The following AP5Z1 variants were observed in gnomAD, a reference collection of about 807,000 sequenced individuals.
AP5Z1 encodes the protein AP-5 complex subunit zeta-1.
A neutral mutation model predicts 83.0 loss-of-function variants in AP5Z1; 106 were observed. The ratio of observed to expected loss-of-function variants is 1.28; its 90% confidence interval spans 1.09 to 1.50. The LOEUF is 1.50. Ranked by LOEUF, AP5Z1 falls within the 40% of genes most tolerant of loss-of-function variation. AP5Z1 has a pLI of 0.00. For synonymous variants in AP5Z1, 751 were observed against 514.1 expected, an observed-to-expected ratio of 1.46 and a Z score of -6.23; for missense variants, 1,565 against 1,094.2, an observed-to-expected ratio of 1.43 and a Z score of -6.07.
At chr7:4,787,364 T>C (rs909456333) in intron 10 of AP5Z1, among the ~76,000 whole-genome samples, 1 of 152,064 alleles carries the variant, frequency 6.6e-6, no homozygotes, top group Admixed American at 6.6e-5. Context: ...TGTGTGCCTG[T>C]AGTCTCAGCT....
chr7:4,790,732 G>A lies in AP5Z1; in HGVS notation c.1998G>A (p.Gln666=), dbSNP rs371885010. The A allele has an allele frequency of 4.3e-6, 7 of 1,610,732 alleles. No homozygotes were observed. The highest frequency in any genetic ancestry group is 1.7e-5 in the Admixed American group (1 of 59,778). ...VTYDRRCTVE[Q]INKFFEALEA... ...ACGATCGGAGGTGCACCGTGGAGCA[G>A]ATCAACAAGTTCTTCGAAGCCCTGG... Residue 666 remains glutamine, a synonymous_variant, in exon 16 of 17, where the codon CAG becomes CAA. Transcript: ENST00000649063.
chr7:4,778,548 G>A (rs373863149), intron 1 of AP5Z1, among the ~76,000 whole-genome samples: 12 of 152,074 alleles, frequency 7.9e-5, no homozygotes, highest in East Asian at 7.8e-4. Flanking sequence ...TGGAGGCAGC[G>A]TTGGGGTCTG....
In AP5Z1 at chr7:4,785,760, CTTTT is replaced by C. The variant is rs74274130; in HGVS notation, c.1132+93_1132+96del. On this transcript the variant is annotated intron_variant, in intron 9 of 16. Coordinates refer to ENST00000649063, the MANE Select transcript of AP5Z1 (RefSeq NM_014855.3). ...GTTTTAGGATGGAATTTCTTCTTCCCTTTTTTTTTTTTTTTTTTTTGATTGAATA... is the reference window on the plus strand; with the variant it reads ...GTTTTAGGATGGAATTTCTTCTTCCCTTTTTTTTTTTTTTTTGATTGAATA... 0.022 allele frequency: 25,203 copies of C among 1,126,194 alleles called. 49 individuals carry two copies. Among genetic ancestry groups the C allele is most frequent in the Middle Eastern group, 0.049 (153 of 3,122 alleles). The allele number at this position is 1,126,194 out of a possible 1,614,324, so 69.8% of individuals were successfully genotyped here.
At position 4,791,635 on chromosome 7, in the gene AP5Z1, T is replaced by TG. The variant is rs1781778095; in HGVS notation, c.*252dup. ...AGGGGTGCCATGGAGCGGCTCTGAT[T>TG]GGAGGCTTGAGGCCCTGTGGCTGGG... On this transcript the variant is annotated 3_prime_UTR_variant, in exon 17 of 17. Transcript: ENST00000649063. 3.5e-6 allele frequency: 2 copies of TG among 566,630 alleles called. No individual in the cohort carries two copies. The highest frequency in any genetic ancestry group is 3.0e-6 in the Non-Finnish European group (1 of 332,146). 35.1% of individuals were successfully genotyped at this position (566,630 alleles called of 1,614,324 possible).
intron 1 of AP5Z1, among the ~76,000 whole-genome samples, chr7:4,778,351 G>A (rs1038932734): frequency 8.5e-5 from 13 of 152,164 alleles, no homozygotes; most frequent in Admixed American, 2.0e-4. Flanking sequence ...TGGAGAGAGC[G>A]GGAAGCGAGT....
chr7:4,791,573 C>T lies in AP5Z1; in HGVS notation c.*188C>T, dbSNP rs550104638. 1.1e-4 allele frequency: 93 copies of T among 874,906 alleles called. No individual in the cohort carries two copies. Among genetic ancestry groups the T allele is most frequent in the African/African-American group, 1.0e-4 (6 of 58,946 alleles). 54.2% of individuals were successfully genotyped at this position (874,906 alleles called of 1,614,324 possible). ...CTGCTCACCCTCTGGGCTTTGTCTC[C>T]GAGCCTTTTGCTCCCAGGCAACACT... On this transcript the variant is annotated 3_prime_UTR_variant, in exon 17 of 17. Transcript: ENST00000649063.
At chr7:4,780,502 C>T (rs530412791) in intron 1 of AP5Z1, among the ~76,000 whole-genome samples, 7 of 152,142 alleles carry the variant, frequency 4.6e-5, no homozygotes, top group Admixed American at 1.3e-4. Context: ...CGGTGGCTCA[C>T]GCCTGTAATC....
rs1318255617 is a variant in AP5Z1, at chr7:4,775,651, C to G, written c.-65C>G. 3 of 1,594,814 alleles carry G rather than the reference C, an allele frequency of 1.9e-6. No individual in the cohort carries two copies. In the South Asian group the frequency reaches 3.3e-5, roughly 18 times the overall value. On this transcript the variant is annotated 5_prime_UTR_variant, in exon 1 of 17. Coordinates refer to ENST00000649063, the MANE Select transcript of AP5Z1 (RefSeq NM_014855.3). ...GCGGTCCCGGAAGTTGACCGGGGTG[C>G]GGAGCTCCTGGGCTGCAGCTCCTGG...
At chr7:4,782,846 G>A (rs1668272700) in intron 3 of AP5Z1, among the ~76,000 whole-genome samples, 1 of 152,154 alleles carries the variant, frequency 6.6e-6, no homozygotes, top group East Asian at 1.9e-4. Flanking sequence ...TGCACCCCCC[G>A]CCCGGCACGT....
chr7:4,783,585 A>G, intron 4 of AP5Z1, 104 bp from the exon 5 acceptor site: 1 of 1,526,270 alleles, frequency 6.6e-7, no homozygotes, highest in Non-Finnish European at 8.9e-7. Flanking sequence ...AGGGTTTGGG[A>G]CGCTGCAGGA....
At chr7:4,779,351 T>C (rs1008531716) in intron 1 of AP5Z1, among the ~76,000 whole-genome samples, 28 of 145,862 alleles carry the variant, frequency 1.9e-4, no homozygotes, top group Middle Eastern at 3.6e-3. Flanking sequence ...ACATATAACA[T>C]GTTATATATC....
chr7:4,791,093 C>CG, intron 16 of AP5Z1, 22 bp from the exon 17 acceptor site: 1 of 1,552,546 alleles, frequency 6.4e-7, no homozygotes. Flanking sequence ...CTGCAGCTGA[C>CG]GGAGGGACCT....
intron 3 of AP5Z1, among the ~76,000 whole-genome samples, chr7:4,782,031 C>A (rs1290902427): frequency 1.3e-5 from 2 of 152,092 alleles, no homozygotes; most frequent in Non-Finnish European, 2.9e-5. Context: ...GGAGGCTGGG[C>A]CTCCAGACCT....
In AP5Z1 at chr7:4,791,380, G is replaced by A; in HGVS notation, c.2419G>A (p.Gly807Arg). The change falls in exon 17 of 17, where the codon GGG (glycine) becomes AGG (arginine). Residue 807 changes from glycine (G) to arginine (R), a missense_variant. By Grantham distance (125) the Gly-to-Arg change is moderately radical. Transcript: ENST00000649063. ...LVEREAGLMP[G>R] Reference sequence around the variant, plus strand: ...GGAGAGGGAGGCCGGCCTCATGCCAGGGTGAAGGGACAGTGGCCAGGGACT... The same window carrying A: ...GGAGAGGGAGGCCGGCCTCATGCCAAGGTGAAGGGACAGTGGCCAGGGACT... 1 of 1,604,896 alleles carries A rather than the reference G, an allele frequency of 6.2e-7. No homozygotes were observed. Among genetic ancestry groups the A allele is most frequent in the Non-Finnish European group, 8.5e-7 (1 of 1,176,134 alleles).
intron 16 of AP5Z1, 111 bp downstream of exon 16, chr7:4,790,998 G>T: frequency 6.8e-7 from 1 of 1,467,356 alleles, no homozygotes; most frequent in Non-Finnish European, 9.0e-7. Context: ...CAGGTCCTGG[G>T]TGGGCCCTGC....
intron 1 of AP5Z1, among the ~76,000 whole-genome samples, chr7:4,779,979 C>T (rs963261739): frequency 6.6e-6 from 1 of 152,038 alleles, no homozygotes; most frequent in Non-Finnish European, 1.5e-5. Flanking sequence ...TGGGGTCTCA[C>T]TGTTTTGCCC....
At chr7:4,784,511 C>T in intron 6 of AP5Z1, 140 bp downstream of exon 6, 1 of 1,071,276 alleles carries the variant, frequency 9.3e-7, no homozygotes, top group Non-Finnish European at 1.3e-6. Context: ...GCAACGCAGC[C>T]TGCTGACCTG....
At position 4,788,250 on chromosome 7, in the gene AP5Z1, T is replaced by C. The variant is rs779395048; in HGVS notation, c.1551T>C (p.Leu517=). The C allele has an allele frequency of 4.4e-6, 7 of 1,587,740 alleles. No homozygotes were observed. The Admixed American group carries it at 5.3e-5, about 12-fold the overall frequency. The change falls in exon 12 of 17, where the codon CTT becomes CTC. Residue 517 remains leucine (L), a synonymous_variant. Coordinates refer to ENST00000649063, the MANE Select transcript of AP5Z1 (RefSeq NM_014855.3). ...TCCGGGACCCGCAGTTCCAGGGTCTTTTCCAATACCTGCTGCGCCCCAAGG... is the reference window on the plus strand; with the variant it reads ...TCCGGGACCCGCAGTTCCAGGGTCTCTTCCAATACCTGCTGCGCCCCAAGG... ...EAFRDPQFQG[L]FQYLLRPKAS...
Position 4,789,884 on chromosome 7 carries a change from G to A in AP5Z1, c.1760G>A (p.Ser587Asn). 6.4e-7 allele frequency: 1 copy of A among 1,552,478 alleles called. No individual in the cohort carries two copies. Among genetic ancestry groups the A allele is most frequent in the Non-Finnish European group, 8.7e-7 (1 of 1,148,292 alleles). The change falls in exon 14 of 17, where the codon AGC becomes AAC. Residue 587 changes from serine (S) to asparagine (N), a missense_variant. Ser to Asn is a conservative substitution (Grantham distance 46). Coordinates refer to ENST00000649063, the MANE Select transcript of AP5Z1 (RefSeq NM_014855.3). ...CTGGCGCTGCTGCTCCTGGGCAGGA[G>A]CGACTCGCTCTACCCGGCCCCAGGG... ...NQLALLLLGR[S>N]DSLYPAPGYA...
Sources: allele counts gnomAD v4.1 joint callset (sites outside exome capture counted in the v4.1 genomes callset), GRCh38; gene constraint gnomAD v4.1.1; transcripts MANE v1.5; gene names NCBI Gene and HGNC (gene_info 2026-07-23, HGNC 2026-07-21).